Variants in BMPR1A observed in about 807,000 individuals in gnomAD.
BMPR1A encodes bone morphogenetic protein receptor type-1A.
A neutral mutation model predicts 66.0 loss-of-function variants in BMPR1A; 7 were observed. The ratio of observed to expected loss-of-function variants is 0.11; its 90% CI spans 0.06 to 0.20. The LOEUF (loss-of-function observed/expected upper bound fraction) is 0.20. BMPR1A is among the 10% of genes least tolerant of loss of function. BMPR1A has a pLI of 1.00. For synonymous variants in BMPR1A, 200 were observed against 229.7 expected (o/e 0.87, Z 1.17); for missense variants, 408 against 669.1 (o/e 0.61, Z 4.31).
At chr10:86,869,456 C>CA (rs56797101) in intron 2 of BMPR1A, among the ~76,000 whole-genome samples, 12,460 of 108,498 alleles carry the variant, frequency 0.11, 760 homozygotes, top group South Asian at 0.19. Context: ...GACTCTGTCT[C>CA]AAAAAAAAAA....
intron 3 of BMPR1A, among the ~76,000 whole-genome samples, chr10:86,877,815 G>A (rs1842938515): frequency 6.6e-6 from 1 of 152,088 alleles, no homozygotes; most frequent in East Asian, 1.9e-4. Flanking sequence ...TCTCCATTTT[G>A]GCATAAATTT....
chr10:86,816,346 C>T (rs1363047379), intron 1 of BMPR1A, among the ~76,000 whole-genome samples: 1 of 152,004 alleles, frequency 6.6e-6, no homozygotes. Context: ...TAGTTTTTTT[C>T]ATGAAGCTGC....
rs1405349067 is a variant in BMPR1A at position 86,790,178 on chromosome 10, AAAAAAAAAAAATATATATAT to A, written c.-268+33261_-268+33280del. On this transcript the variant is annotated intron_variant, in intron 1 of 12. Coordinates refer to ENST00000372037, the MANE Select transcript of BMPR1A (RefSeq NM_004329.3). ...CTCTGTCTCCAAAAAAAAAAAAAAA[AAAAAAAAAAAATATATATAT>A]ATATATATATATATATATATATATA... is the stretch of plus-strand genomic sequence containing the variant. Among the ~76,000 whole-genome samples, 31 of 40,294 alleles carry A rather than the reference AAAAAAAAAAAATATATATAT, an allele frequency of 7.7e-4. 2 individuals are homozygous for A. Among genetic ancestry groups the A allele is most frequent in the African/African-American group, 4.2e-3 (29 of 6,984 alleles). 26.4% of individuals were successfully genotyped at this position (40,294 alleles called of 152,430 possible).
rs117616095 is a variant in BMPR1A at position 86,895,005 on chromosome 10, A to G, written c.333+2776A>G. Among the ~76,000 whole-genome samples, 123 of 152,270 alleles carry G rather than the reference A, an allele frequency of 8.1e-4. 1 individual carries two copies. The highest frequency in any genetic ancestry group is 1.6e-3 in the Non-Finnish European group (107 of 68,020). On this transcript the variant is annotated intron_variant, in intron 5 of 12. Coordinates refer to ENST00000372037, the MANE Select transcript of BMPR1A (RefSeq NM_004329.3). ...TTCCCTTAGTCACTTTTCATAGTCA[A>G]CCCCTCCTAGTTTACAAATAGAAGG...
intron 1 of BMPR1A, among the ~76,000 whole-genome samples, chr10:86,834,582 C>T (rs1842315268): frequency 6.6e-6 from 1 of 152,092 alleles, no homozygotes. Flanking sequence ...CAAAATCAAC[C>T]TTATATTCAA....
chr10:86,931,812 C>G (rs533232135), downstream of BMPR1A: 41 of 152,150 alleles, frequency 2.7e-4, no homozygotes, highest in African/African-American at 9.6e-4. Context: ...AATTTTCTCC[C>G]ATTATTTCTT....
intron 1 of BMPR1A, among the ~76,000 whole-genome samples, chr10:86,837,467 C>G (rs1589739823): frequency 6.6e-6 from 1 of 152,152 alleles, no homozygotes; most frequent in African/African-American, 2.4e-5. Context: ...ATTGCCTGCT[C>G]TCTCTCCCAC....
At chr10:86,757,046 C>CCGGCAGCTCCGCAGGCCT (rs1232437879) in intron 1 of BMPR1A, 127 bp downstream of exon 1, 4 of 150,730 alleles carry the variant, frequency 2.7e-5, no homozygotes, top group Admixed American at 6.6e-5. Flanking sequence ...CGGCCCGGCC[C>CCGGCAGCTCCGCAGGCCT]CGGCAGCTCC....
In BMPR1A at chr10:86,809,815, A is replaced by G. The variant is rs184229227; in HGVS notation, c.-267-29050A>G. ...TTCCTTCCTGCCCCTGGTAACCACT[A>G]TAGTACTTTCTGTCTAATATGAATT... On this transcript the variant is annotated intron_variant, in intron 1 of 12. Transcript: ENST00000372037. Among the ~76,000 whole-genome samples, 102 of 152,036 alleles carry G rather than the reference A, an allele frequency of 6.7e-4. 1 individual carries two copies. In the East Asian group the frequency reaches 0.017, roughly 26 times the overall value.
chr10:86,850,273 A>G (rs1221601000), intron 2 of BMPR1A, among the ~76,000 whole-genome samples: 1 of 151,936 alleles, frequency 6.6e-6, no homozygotes, highest in Non-Finnish European at 1.5e-5. Context: ...GTGAGCTGAG[A>G]TAGCGCCACC....
chr10:86,903,916 A>G (rs1041642570), intron 7 of BMPR1A, among the ~76,000 whole-genome samples: 2 of 134,834 alleles, frequency 1.5e-5, no homozygotes, highest in African/African-American at 5.6e-5. Context: ...TATTATTTTT[A>G]TTTTTGAGAC....
At chr10:86,867,213 T>C (rs1263234295) in intron 2 of BMPR1A, among the ~76,000 whole-genome samples, 2 of 152,218 alleles carry the variant, frequency 1.3e-5, no homozygotes, top group South Asian at 2.1e-4. Context: ...AGTTTTTGAG[T>C]GTTGACATGA....
At chr10:86,829,684 T>C (rs964860677) in intron 1 of BMPR1A, among the ~76,000 whole-genome samples, 3 of 152,230 alleles carry the variant, frequency 2.0e-5, no homozygotes, top group Non-Finnish European at 2.9e-5. Flanking sequence ...ATGTGACCTT[T>C]TAAAATTAGC....
intron 1 of BMPR1A, among the ~76,000 whole-genome samples, chr10:86,810,491 G>C (rs1040406393): frequency 2.0e-5 from 3 of 152,160 alleles, no homozygotes; most frequent in South Asian, 2.1e-4. Flanking sequence ...TGAAGAACTG[G>C]TTTTCTTTTC....
At chr10:86,916,985 T>A in intron 8 of BMPR1A, 149 bp from the exon 9 acceptor site, 1 of 827,864 alleles carries the variant, frequency 1.2e-6, no homozygotes, top group Non-Finnish European at 2.0e-6. Flanking sequence ...AGAGCGAGAC[T>A]CCATCTCAAA....
At chr10:86,850,739 C>G (rs1465940830) in intron 2 of BMPR1A, among the ~76,000 whole-genome samples, 4 of 152,140 alleles carry the variant, frequency 2.6e-5, no homozygotes, top group African/African-American at 9.7e-5. Flanking sequence ...TCAAGTGATC[C>G]TCCTGCCTCA....
intron 1 of BMPR1A, among the ~76,000 whole-genome samples, chr10:86,825,617 C>T (rs1274899750): frequency 1.3e-5 from 2 of 152,078 alleles, no homozygotes; most frequent in Non-Finnish European, 2.9e-5. Context: ...ATTGGGACTG[C>T]AGGCACGTGC....
At chr10:86,910,891 G>A (rs573794891) in intron 7 of BMPR1A, among the ~76,000 whole-genome samples, 1 of 152,200 alleles carries the variant, frequency 6.6e-6, no homozygotes, top group East Asian at 1.9e-4. Context: ...GGATTGCTTT[G>A]AACCCAGGCT....
At chr10:86,919,680 TG>T (rs1312595488) in intron 10 of BMPR1A, among the ~76,000 whole-genome samples, 1 of 149,702 alleles carries the variant, frequency 6.7e-6, no homozygotes, top group Non-Finnish European at 1.5e-5. Flanking sequence ...ATTTTTTTGG[TG>T]TTTTTTTTTG....
Sources: gnomAD v4.1 joint callset for allele counts (sites outside exome capture counted in the v4.1 genomes callset) on GRCh38, gnomAD v4.1.1 for gene constraint, MANE v1.5 for transcripts, NCBI Gene and HGNC (gene_info 2026-07-23, HGNC 2026-07-21) for gene names.